CRADD: variants seen among roughly 807,000 people sequenced by gnomAD.
CRADD encodes the protein CARD and death domain containing adaptor protein, also known as death domain-containing protein CRADD.
In CRADD, 9 loss-of-function variants were observed where a neutral mutation model predicts 15.5. The ratio of observed to expected loss-of-function variants is 0.58; its 90% CI spans 0.35 to 1.01. The LOEUF is 1.01. Ranked by LOEUF, CRADD falls within the 50% of genes least tolerant of loss-of-function variation. The pLI is 0.02. For synonymous variants in CRADD, 118 were observed against 107.6 expected, an observed-to-expected ratio of 1.10 and a Z score of -0.60; for missense variants, 227 against 250.3, an observed-to-expected ratio of 0.91 and a Z score of 0.63.
chr12:93,702,473 T>C (rs1045272836), intron 2 of CRADD, among the ~76,000 whole-genome samples: 21 of 151,924 alleles, frequency 1.4e-4, no homozygotes, highest in Admixed American at 3.3e-4. Flanking sequence ...TTTCTCACCT[T>C]AAGAAAATCC....
At chr12:93,867,560 CAA>C (rs1958381362) in intron 2 of CRADD, among the ~76,000 whole-genome samples, 1 of 151,784 alleles carries the variant, frequency 6.6e-6, no homozygotes, top group South Asian at 2.1e-4. Context: ...TTCTTACTGA[CAA>C]AATACTTTTG....
chr12:93,767,764 C>T (rs757116469), intron 2 of CRADD, among the ~76,000 whole-genome samples: 1 of 152,168 alleles, frequency 6.6e-6, no homozygotes, highest in Non-Finnish European at 1.5e-5. Context: ...TTCCTCCAAC[C>T]ACCACCACTC....
At chr12:93,865,903 T>C (rs1408770331) in intron 2 of CRADD, among the ~76,000 whole-genome samples, 2 of 152,214 alleles carry the variant, frequency 1.3e-5, no homozygotes, top group African/African-American at 4.8e-5. Context: ...AGCTTATATG[T>C]CTGGAAAAGA....
At chr12:93,881,217 T>C (rs1200165214) in intron 2 of CRADD, among the ~76,000 whole-genome samples, 1 of 152,194 alleles carries the variant, frequency 6.6e-6, no homozygotes, top group Non-Finnish European at 1.5e-5. Context: ...AAAGATCTTA[T>C]CTTCTGATGA....
At chr12:93,795,272 C>T (rs1266156076) in intron 2 of CRADD, among the ~76,000 whole-genome samples, 7 of 152,144 alleles carry the variant, frequency 4.6e-5, no homozygotes, top group African/African-American at 7.2e-5. Flanking sequence ...TCCCCAAAGG[C>T]GAATCTGTGC....
downstream of CRADD, among the ~76,000 whole-genome samples, chr12:93,853,501 A>G (rs1272255567): frequency 6.6e-6 from 1 of 152,268 alleles, no homozygotes; most frequent in African/African-American, 2.4e-5. Flanking sequence ...CAATAAGTAT[A>G]GCAATGTCTT....
At chr12:93,750,491 A>G (rs1956817033) in intron 2 of CRADD, among the ~76,000 whole-genome samples, 1 of 152,214 alleles carries the variant, frequency 6.6e-6, no homozygotes, top group Non-Finnish European at 1.5e-5. Flanking sequence ...TTATTGTCCT[A>G]TAGAATATTC....
chr12:93,714,342 CAGG>C (rs1459208608), intron 2 of CRADD, among the ~76,000 whole-genome samples: 3 of 152,160 alleles, frequency 2.0e-5, no homozygotes, highest in South Asian at 2.1e-4. Context: ...ATTCCGTGGG[CAGG>C]AGAAGAAAGC....
chr12:93,875,269 T>A (rs896049160), intron 2 of CRADD, among the ~76,000 whole-genome samples: 4 of 152,026 alleles, frequency 2.6e-5, no homozygotes, highest in Non-Finnish European at 5.9e-5. Context: ...TCCATCCTTT[T>A]ATTTTCAGTC....
intron 2 of CRADD, among the ~76,000 whole-genome samples, chr12:93,727,550 G>A (rs1956390304): frequency 6.6e-6 from 1 of 152,192 alleles, no homozygotes; most frequent in South Asian, 2.1e-4. Flanking sequence ...ATAAGTGATA[G>A]CACTTTATGG....
intron 2 of CRADD, among the ~76,000 whole-genome samples, chr12:93,858,168 C>T (rs1958290302): frequency 6.6e-6 from 1 of 152,316 alleles, no homozygotes; most frequent in East Asian, 1.9e-4. Flanking sequence ...TAAATAAACC[C>T]TCCCAACACA....
intron 2 of CRADD, chr12:93,738,513 C>T (rs1253299962): frequency 7.1e-6 from 5 of 700,486 alleles, no homozygotes; most frequent in African/African-American, 5.3e-5. Context: ...CAACACTGAC[C>T]AAAGCAAATC....
chr12:93,730,843 G>A (rs1476855542), intron 2 of CRADD, among the ~76,000 whole-genome samples: 1 of 151,424 alleles, frequency 6.6e-6, no homozygotes, highest in East Asian at 1.9e-4. Context: ...AGCCTCCCAA[G>A]TAGCTGGAAT....
chr12:93,859,257 T>A (rs10859603), intron 2 of CRADD: 226,339 of 441,366 alleles, frequency 0.51, 60,209 homozygotes, highest in African/African-American at 0.62. Context: ...AATTGTTTTT[T>A]AAAAAGCTAT....
intron 2 of CRADD, among the ~76,000 whole-genome samples, chr12:93,877,272 A>G (rs1958464000): frequency 6.6e-6 from 1 of 152,208 alleles, no homozygotes; most frequent in Non-Finnish European, 1.5e-5. Flanking sequence ...AAGCCAGCAC[A>G]GCACTGGATT....
chr12:93,759,851 C>G (rs1295370525), intron 2 of CRADD, among the ~76,000 whole-genome samples: 1 of 152,172 alleles, frequency 6.6e-6, no homozygotes, highest in Non-Finnish European at 1.5e-5. Context: ...ACAACAAGGA[C>G]TGTTCATTGG....
intron 2 of CRADD, among the ~76,000 whole-genome samples, chr12:93,797,688 T>A (rs35689754): frequency 0.23 from 35,264 of 152,152 alleles, 4,628 homozygotes; most frequent in East Asian, 0.54. Flanking sequence ...TACTGTATTT[T>A]ATGTGTGCTT....
intron 2 of CRADD, among the ~76,000 whole-genome samples, chr12:93,842,093 C>T (rs183474823): frequency 3.3e-3 from 492 of 151,148 alleles, no homozygotes; most frequent in South Asian, 0.012. Context: ...TTTGACTCTT[C>T]CAGCAGCTAT....
chr12:93,823,433 C>T (rs537644415), intron 2 of CRADD, among the ~76,000 whole-genome samples: 1 of 152,272 alleles, frequency 6.6e-6, no homozygotes, highest in Admixed American at 6.5e-5. Flanking sequence ...TAAGTTAGCT[C>T]CATCCCCTTT....
Sources: gnomAD v4.1 joint callset for allele counts (sites outside exome capture counted in the v4.1 genomes callset) on GRCh38, gnomAD v4.1.1 for gene constraint, MANE v1.5 for transcripts, NCBI Gene and HGNC (gene_info 2026-07-23, HGNC 2026-07-21) for gene names.